Variants in MON2 observed in about 807,000 individuals in gnomAD.
MON2 encodes MON2 regulator of endosome-to-Golgi trafficking.
MON2 carries 84 observed loss-of-function variants against 208.6 expected under a neutral mutation model. The observed-to-expected ratio is 0.40, with a 90% CI of 0.34 to 0.48. The LOEUF (loss-of-function observed/expected upper bound fraction) is 0.48, where lower values mean the gene tolerates loss of function less well. Ranked by LOEUF, MON2 falls within the 20% of genes least tolerant of loss-of-function variation. The probability of loss-of-function intolerance (pLI) is 0.59; values close to 1 mark genes in which losing one functional copy is unlikely to be tolerated. For missense variants in MON2, 1,611 were observed against 2,015.4 expected, an observed-to-expected ratio of 0.80 and a Z score of 3.84; for synonymous variants, 660 against 694.0, an observed-to-expected ratio of 0.95 and a Z score of 0.77.
chr12:62,525,407 A>G (rs1234676340), intron 10 of MON2, among the ~76,000 whole-genome samples, 187 bp downstream of exon 10: 1 of 152,190 alleles, frequency 6.6e-6, no homozygotes, highest in Non-Finnish European at 1.5e-5. Context: ...TTTTTCCAGA[A>G]TAGATTTTCT....
intron 8 of MON2, among the ~76,000 whole-genome samples, chr12:62,514,921 A>T (rs972573362): frequency 1.6e-4 from 24 of 152,354 alleles, no homozygotes; most frequent in African/African-American, 5.3e-4. Flanking sequence ...GCAGAGCAAA[A>T]CTGTAATGAG....
At chr12:62,515,031 G>C (rs1224005443) in intron 8 of MON2, among the ~76,000 whole-genome samples, 1 of 152,212 alleles carries the variant, frequency 6.6e-6, no homozygotes, top group African/African-American at 2.4e-5. Flanking sequence ...CTTGTGCACT[G>C]TTGGTGGGAA....
At chr12:62,481,305 T>TCA (rs1325585621) in intron 1 of MON2, among the ~76,000 whole-genome samples, 1 of 152,100 alleles carries the variant, frequency 6.6e-6, no homozygotes, top group Non-Finnish European at 1.5e-5. Context: ...GGCGGGCGGA[T>TCA]CACGAGGTCA....
chr12:62,542,687 G>C lies in MON2; in HGVS notation c.2365-410G>C, dbSNP rs145437479. On this transcript the variant is annotated intron_variant, in intron 19 of 34. Coordinates refer to ENST00000393630, the MANE Select transcript of MON2 (RefSeq NM_015026.3). ...ACTGACAGCCCTGATCTCTGCTATA[G>C]TCTTGATTTCATTTTCCTTTTCCTT... 3.5e-3 allele frequency among the ~76,000 whole-genome samples: 532 copies of C among 152,258 alleles called. 4 individuals are homozygous for C. The highest frequency in any genetic ancestry group is 0.012 in the African/African-American group (489 of 41,558).
intron 8 of MON2, among the ~76,000 whole-genome samples, chr12:62,511,590 A>G (rs1432528793): frequency 7.3e-6 from 1 of 136,944 alleles, no homozygotes; most frequent in East Asian, 2.1e-4. Flanking sequence ...CCCTTACCTT[A>G]TGCCATGTAC....
chr12:62,544,605 TTAATGAGGGTA>T (rs1425790484), intron 20 of MON2, among the ~76,000 whole-genome samples: 2 of 152,186 alleles, frequency 1.3e-5, no homozygotes, highest in African/African-American at 4.8e-5. Flanking sequence ...TATTATTTGA[TTAATGAGGGTA>T]AACTTAATTA....
chr12:62,570,722 CTTTTTTTTTT>C (rs1192680038), intron 29 of MON2, among the ~76,000 whole-genome samples: 29 of 70,858 alleles, frequency 4.1e-4, no homozygotes, highest in African/African-American at 1.4e-3. Context: ...TTTTCTTTTT[CTTTTTTTTTT>C]TTTTTTTTTT....
intron 11 of MON2, among the ~76,000 whole-genome samples, chr12:62,529,157 C>G (rs911358324): frequency 1.3e-5 from 2 of 152,146 alleles, no homozygotes; most frequent in African/African-American, 2.4e-5. Flanking sequence ...AGCTCTAGAA[C>G]TTAAATTTCA....
intron 2 of MON2, among the ~76,000 whole-genome samples, chr12:62,489,550 T>G (rs1304171914): frequency 2.6e-5 from 4 of 152,086 alleles, no homozygotes; most frequent in Non-Finnish European, 5.9e-5. Context: ...TTTTCTGATT[T>G]CTTTTGTAGC....
chr12:62,527,913 A>T (rs1312465112), intron 11 of MON2, among the ~76,000 whole-genome samples: 1 of 151,826 alleles, frequency 6.6e-6, no homozygotes, highest in African/African-American at 2.4e-5. Flanking sequence ...TCCTTTTTAA[A>T]ATTTATTAGT....
intron 4 of MON2, among the ~76,000 whole-genome samples, chr12:62,498,385 A>C (rs1252282345): frequency 1.3e-5 from 2 of 152,172 alleles, no homozygotes; most frequent in African/African-American, 4.8e-5. Context: ...GGGGTGATGG[A>C]AATATTTTGT....
At chr12:62,497,417 T>A (rs2070578047) in intron 4 of MON2, among the ~76,000 whole-genome samples, 1 of 152,066 alleles carries the variant, frequency 6.6e-6, no homozygotes, top group Non-Finnish European at 1.5e-5. Flanking sequence ...GACAAACACA[T>A]GAAAAGAAGT....
At chr12:62,531,160 A>G (rs1002444483) in intron 11 of MON2, among the ~76,000 whole-genome samples, 3 of 152,054 alleles carry the variant, frequency 2.0e-5, no homozygotes, top group Non-Finnish European at 2.9e-5. Context: ...GTTTTCTTTC[A>G]TTCTGTGGGT....
rs1248923852 is a variant in MON2, at chr12:62,532,497, T to A, written c.1460T>A (p.Val487Glu). Reference sequence around the variant, plus strand: ...ATACCTGAAGGTTACGCCATGTCTGTGGCATTCCATTGTTTGCTAGACCTT... The same window carrying A: ...ATACCTGAAGGTTACGCCATGTCTGAGGCATTCCATTGTTTGCTAGACCTT... ...PTIPEGYAMS[V>E]AFHCLLDLVR... The change falls in exon 12 of 35, where the codon GTG (valine) becomes GAG (glutamate). Residue 487 changes from valine to glutamate, a missense_variant. Physicochemically the swap from Val to Glu is moderately radical, Grantham distance 121 (BLOSUM62 -2). Transcript: ENST00000393630. 6.2e-7 allele frequency: 1 copy of A among 1,614,170 alleles called. No homozygotes were observed. The highest frequency in any genetic ancestry group is 1.7e-4 in the Middle Eastern group (1 of 6,060).
Position 62,537,200 on chromosome 12 carries a change from A to G in MON2, c.1950A>G (p.Glu650=). 1 of 1,613,562 alleles carries G rather than the reference A, an allele frequency of 6.2e-7. No individual in the cohort carries two copies. The highest frequency in any genetic ancestry group is 2.2e-5 in the East Asian group (1 of 44,820). The change falls in exon 15 of 35, where the codon GAA becomes GAG. Residue 650 remains glutamate (E), a synonymous_variant. Transcript: ENST00000393630. The part of the protein sequence containing the change: ...QSVMMISPSS[E]SHQQVVAVGQ... ...TTATGATGATAAGTCCATCAAGTGA[A>G]TCTCACCAACAAGTTGTGGCAGTGG...
intron 20 of MON2, 22 bp downstream of exon 20, chr12:62,543,220 T>C (rs188837378): frequency 7.7e-7 from 1 of 1,297,690 alleles, no homozygotes; most frequent in Admixed American, 2.5e-5. Flanking sequence ...TTCTTAAATA[T>C]ATTTAATTTT....
intron 8 of MON2, among the ~76,000 whole-genome samples, chr12:62,517,604 T>G (rs1222225364): frequency 6.6e-6 from 1 of 152,108 alleles, no homozygotes; most frequent in South Asian, 2.1e-4. Flanking sequence ...TTTCTTGCCC[T>G]CCACCATGTG....
At chr12:62,531,148 A>G (rs1390094233) in intron 11 of MON2, among the ~76,000 whole-genome samples, 1 of 152,070 alleles carries the variant, frequency 6.6e-6, no homozygotes, top group African/African-American at 2.4e-5. Context: ...TGATTTGCAA[A>G]AGTTTTCTTT....
intron 8 of MON2, among the ~76,000 whole-genome samples, chr12:62,510,624 A>G (rs574653849): frequency 2.6e-5 from 4 of 152,318 alleles, no homozygotes; most frequent in African/African-American, 7.2e-5. Context: ...TAGGAATAGA[A>G]CTAAACTACC....
Sources: gnomAD v4.1 joint callset for allele counts (sites outside exome capture counted in the v4.1 genomes callset) on GRCh38, gnomAD v4.1.1 for gene constraint, MANE v1.5 for transcripts, NCBI Gene and HGNC (gene_info 2026-07-23, HGNC 2026-07-21) for gene names.